Variants in NAALADL2 observed in about 807,000 individuals in gnomAD.
NAALADL2 encodes the protein inactive N-acetylated-alpha-linked acidic dipeptidase-like protein 2.
NAALADL2 carries 76 observed loss-of-function variants against 87.2 expected under a neutral mutation model. The observed-to-expected ratio is 0.87, with a 90% CI of 0.72 to 1.05. The LOEUF is 1.05. Ranked by LOEUF, NAALADL2 falls within the 50% of genes least tolerant of loss-of-function variation. The pLI is 0.00. For synonymous variants in NAALADL2, 354 were observed against 331.0 expected (o/e 1.07, Z -0.75); for missense variants, 1,089 against 945.8 (o/e 1.15, Z -1.99).
chr3:175,271,157 A>G (rs1163732520), intron 4 of NAALADL2: 1 of 152,218 alleles, frequency 6.6e-6, no homozygotes, highest in Admixed American at 6.5e-5. Context: ...TATGAGAATC[A>G]TAAGGATATC....
chr3:175,008,716 T>C (rs1749377606), intron 1 of NAALADL2, among the ~76,000 whole-genome samples: 1 of 115,624 alleles, frequency 8.6e-6, no homozygotes, highest in African/African-American at 4.5e-5. Context: ...TAATATACCC[T>C]ACAACGTTAT....
At chr3:175,348,203 C>T (rs2148865051) in intron 5 of NAALADL2, among the ~76,000 whole-genome samples, 1 of 152,182 alleles carries the variant, frequency 6.6e-6, no homozygotes, top group South Asian at 2.1e-4. Flanking sequence ...AGTCATGTGC[C>T]ACCACGCCCA....
At chr3:175,530,844 C>T (rs546135312) in intron 9 of NAALADL2, among the ~76,000 whole-genome samples, 1 of 152,326 alleles carries the variant, frequency 6.6e-6, no homozygotes, top group South Asian at 2.1e-4. Flanking sequence ...GCACCCAGTT[C>T]CTGATGGGCA....
At chr3:175,096,495 C>CGT (rs3067035) in intron 1 of NAALADL2, among the ~76,000 whole-genome samples, 17,466 of 142,976 alleles carry the variant, frequency 0.12, 1,072 homozygotes, top group African/African-American at 0.18. Flanking sequence ...ATTAATGGGG[C>CGT]GTGTGTGTGT....
chr3:174,714,239 C>G (rs1490680407), intron 2 of NAALADL2, among the ~76,000 whole-genome samples: 3 of 152,084 alleles, frequency 2.0e-5, no homozygotes, highest in African/African-American at 7.2e-5. Flanking sequence ...TCGCGTGATA[C>G]CCCTAGCTTT....
intron 3 of NAALADL2, among the ~76,000 whole-genome samples, chr3:174,798,171 T>G (rs1012905248): frequency 1.3e-5 from 2 of 152,218 alleles, no homozygotes; most frequent in Non-Finnish European, 2.9e-5. Context: ...ATATATGGGA[T>G]TATTTCTGAA....
chr3:174,679,118 G>A (rs1389852364), intron 2 of NAALADL2, among the ~76,000 whole-genome samples: 1 of 152,034 alleles, frequency 6.6e-6, no homozygotes, highest in East Asian at 1.9e-4. Flanking sequence ...CTCATTGCTT[G>A]TCTCTTCTGA....
At chr3:175,483,384 T>G (rs1403777842) in intron 9 of NAALADL2, among the ~76,000 whole-genome samples, 2 of 151,668 alleles carry the variant, frequency 1.3e-5, no homozygotes, top group Non-Finnish European at 2.9e-5. Flanking sequence ...AACATCTTTT[T>G]TCCTGACTTC....
At chr3:175,556,715 A>C (rs902977249) in intron 9 of NAALADL2, among the ~76,000 whole-genome samples, 4 of 152,204 alleles carry the variant, frequency 2.6e-5, no homozygotes, top group African/African-American at 9.6e-5. Context: ...ATTTCTCTGA[A>C]GTTTAAAAAC....
At chr3:174,928,992 A>G (rs909475605) in intron 1 of NAALADL2, among the ~76,000 whole-genome samples, 1 of 152,228 alleles carries the variant, frequency 6.6e-6, no homozygotes, top group African/African-American at 2.4e-5. Flanking sequence ...AACTAATAAG[A>G]AATAGTTAAT....
chr3:174,665,829 C>G (rs1337010973), intron 2 of NAALADL2, among the ~76,000 whole-genome samples: 2 of 152,202 alleles, frequency 1.3e-5, no homozygotes, highest in Non-Finnish European at 2.9e-5. Flanking sequence ...TTTCATGCCT[C>G]TCTCGTAGTT....
intron 9 of NAALADL2, among the ~76,000 whole-genome samples, chr3:175,480,999 G>A (rs1003115766): frequency 6.6e-6 from 1 of 151,784 alleles, no homozygotes; most frequent in African/African-American, 2.4e-5. Flanking sequence ...GAAACACTGA[G>A]AACATTTTTT....
At chr3:174,658,739 A>G (rs1416547829) in intron 2 of NAALADL2, among the ~76,000 whole-genome samples, 1 of 152,190 alleles carries the variant, frequency 6.6e-6, no homozygotes, top group Non-Finnish European at 1.5e-5. Flanking sequence ...ATAAGTATAG[A>G]CTAAAAATTC....
At chr3:175,380,892 G>C (rs1464251499) in intron 5 of NAALADL2, among the ~76,000 whole-genome samples, 4 of 150,644 alleles carry the variant, frequency 2.7e-5, no homozygotes, top group Non-Finnish European at 5.9e-5. Context: ...TTTAAATATT[G>C]TTTTTTTTTA....
At chr3:175,337,738 CT>C (rs1762138777) in intron 5 of NAALADL2, among the ~76,000 whole-genome samples, 1 of 152,124 alleles carries the variant, frequency 6.6e-6, no homozygotes, top group South Asian at 2.1e-4. Context: ...GCTTCTTTGA[CT>C]TTATCATATA....
chr3:174,663,823 T>C (rs1193694656), intron 2 of NAALADL2, among the ~76,000 whole-genome samples: 1 of 150,662 alleles, frequency 6.6e-6, no homozygotes, highest in African/African-American at 2.4e-5. Context: ...AGTTTTGCTC[T>C]GTCACCCAGG....
At chr3:174,491,929 C>T (rs1186924298) in intron 1 of NAALADL2, among the ~76,000 whole-genome samples, 1 of 151,990 alleles carries the variant, frequency 6.6e-6, no homozygotes, top group Admixed American at 6.6e-5. Flanking sequence ...GATTCTCTTG[C>T]TCTTGATGTA....
chr3:174,849,923 A>G (rs1003255818), intron 3 of NAALADL2, among the ~76,000 whole-genome samples: 2 of 152,092 alleles, frequency 1.3e-5, no homozygotes, highest in South Asian at 4.2e-4. Context: ...TAAAGATATA[A>G]GTATTTTACA....
intron 2 of NAALADL2, among the ~76,000 whole-genome samples, chr3:175,105,466 C>A (rs777253296): frequency 6.7e-6 from 1 of 148,888 alleles, no homozygotes; most frequent in Non-Finnish European, 1.5e-5. Context: ...ATATGATTCA[C>A]ATATATATAA....
Sources: gnomAD v4.1 joint callset for allele counts (sites outside exome capture counted in the v4.1 genomes callset) on GRCh38, gnomAD v4.1.1 for gene constraint, MANE v1.5 for transcripts, NCBI Gene and HGNC (gene_info 2026-07-23, HGNC 2026-07-21) for gene names.